Variants in RELN observed in about 807,000 individuals in gnomAD.
The protein encoded by RELN is reelin.
A neutral mutation model predicts 427.6 loss-of-function variants in RELN; 108 were observed. The observed-to-expected ratio is 0.25, with a 90% CI of 0.22 to 0.30. RELN has a LOEUF of 0.30. RELN is among the 10% of genes least tolerant of loss of function. The pLI is 1.00. For missense variants in RELN, 3,715 were observed against 4,302.8 expected, an observed-to-expected ratio of 0.86 and a Z score of 3.82; for synonymous variants, 1,524 against 1,513.4, an observed-to-expected ratio of 1.01 and a Z score of -0.16.
intron 20 of RELN, chr7:103,627,873 G>T (rs10225577): frequency 6.6e-5 from 10 of 152,180 alleles, no homozygotes; most frequent in Admixed American, 6.5e-4. Context: ...AAGGGATATT[G>T]TTCTTAGGGT....
chr7:103,684,690 C>T (rs1305294404), intron 10 of RELN, among the ~76,000 whole-genome samples: 1 of 152,130 alleles, frequency 6.6e-6, no homozygotes, highest in Non-Finnish European at 1.5e-5. Context: ...CTCGGTTTCT[C>T]AGGTTGTAGA....
intron 1 of RELN, among the ~76,000 whole-genome samples, chr7:103,986,871 C>T (rs1797109105): frequency 6.6e-6 from 1 of 151,476 alleles, no homozygotes; most frequent in Non-Finnish European, 1.5e-5. Context: ...TCAAAATGGG[C>T]CAACCACAAA....
chr7:103,615,931 G>C (rs1238490217), intron 20 of RELN, among the ~76,000 whole-genome samples: 2 of 152,086 alleles, frequency 1.3e-5, no homozygotes, highest in Admixed American at 1.3e-4. Flanking sequence ...CCAGAAAAAA[G>C]GCTCTTTTAT....
chr7:103,942,222 G>C (rs1051389810), intron 1 of RELN, among the ~76,000 whole-genome samples: 2 of 152,118 alleles, frequency 1.3e-5, no homozygotes, highest in Admixed American at 6.6e-5. Flanking sequence ...CAGTCACCAT[G>C]CTGTATAGTA....
chr7:103,902,097 G>C (rs1315346722), intron 2 of RELN, among the ~76,000 whole-genome samples: 1 of 151,954 alleles, frequency 6.6e-6, no homozygotes, highest in Non-Finnish European at 1.5e-5. Context: ...GCTGACATCA[G>C]CTCCTTGCTG....
intron 4 of RELN, among the ~76,000 whole-genome samples, chr7:103,768,457 T>G (rs1791481387): frequency 6.6e-6 from 1 of 152,136 alleles, no homozygotes; most frequent in East Asian, 1.9e-4. Flanking sequence ...TTTCAAAAAT[T>G]TGTAATATGC....
At chr7:103,960,729 G>GT (rs1403119067) in intron 1 of RELN, among the ~76,000 whole-genome samples, 1 of 152,166 alleles carries the variant, frequency 6.6e-6, no homozygotes, top group South Asian at 2.1e-4. Context: ...GCCTGCCTGT[G>GT]TATGTACATG....
At chr7:103,873,356 A>G (rs1357834256) in intron 2 of RELN, among the ~76,000 whole-genome samples, 1 of 136,192 alleles carries the variant, frequency 7.3e-6, no homozygotes, top group Non-Finnish European at 1.6e-5. Context: ...AACTAAAATC[A>G]GAGCAGAACT....
At chr7:103,724,076 C>T (rs1401074285) in intron 7 of RELN, among the ~76,000 whole-genome samples, 3 of 152,096 alleles carry the variant, frequency 2.0e-5, no homozygotes, top group Admixed American at 6.6e-5. Flanking sequence ...ATTCTGTACA[C>T]TACAATATAG....
chr7:103,705,400 A>T (rs1834178423), intron 8 of RELN, among the ~76,000 whole-genome samples: 1 of 152,218 alleles, frequency 6.6e-6, no homozygotes, highest in African/African-American at 2.4e-5. Flanking sequence ...AATATAATAA[A>T]ATCGTAACCT....
intron 31 of RELN, among the ~76,000 whole-genome samples, chr7:103,567,296 G>A (rs998361948): frequency 1.3e-5 from 2 of 152,210 alleles, no homozygotes; most frequent in Non-Finnish European, 2.9e-5. Flanking sequence ...AAGTGGCAAA[G>A]CAGAAAGGCT....
intron 2 of RELN, among the ~76,000 whole-genome samples, chr7:103,876,553 A>G (rs1040016031): frequency 3.3e-5 from 5 of 152,178 alleles, no homozygotes; most frequent in Non-Finnish European, 7.4e-5. Flanking sequence ...TTCTATTGAC[A>G]TTAGTAATAC....
chr7:103,483,257 C>G (rs960939487), intron 62 of RELN, among the ~76,000 whole-genome samples: 14 of 152,180 alleles, frequency 9.2e-5, no homozygotes, highest in African/African-American at 3.4e-4. Context: ...GTGACAGACA[C>G]TGTGCTAGAA....
At chr7:103,658,185 A>G (rs1833063516) in intron 12 of RELN, among the ~76,000 whole-genome samples, 1 of 152,150 alleles carries the variant, frequency 6.6e-6, no homozygotes, top group African/African-American at 2.4e-5. Context: ...ACGTCAATAT[A>G]TGAATAAAGA....
chr7:103,724,693 T>C (rs1790161272), intron 7 of RELN, among the ~76,000 whole-genome samples: 1 of 152,140 alleles, frequency 6.6e-6, no homozygotes, highest in Non-Finnish European at 1.5e-5. Context: ...TTACTGATTC[T>C]AATTTTTTTC....
intron 3 of RELN, among the ~76,000 whole-genome samples, chr7:103,790,384 T>C (rs1243569547): frequency 6.6e-6 from 1 of 152,186 alleles, no homozygotes; most frequent in Non-Finnish European, 1.5e-5. Context: ...TTTATTCTAC[T>C]GTTGTTGGAA....
chr7:103,542,137 G>C (rs887196225), intron 43 of RELN, among the ~76,000 whole-genome samples: 1 of 152,156 alleles, frequency 6.6e-6, no homozygotes, highest in Non-Finnish European at 1.5e-5. Context: ...ATAATCCTCT[G>C]AGCCAGTTTA....
At chr7:103,584,375 T>C (rs185673705) in intron 28 of RELN, among the ~76,000 whole-genome samples, 1 of 152,226 alleles carries the variant, frequency 6.6e-6, no homozygotes, top group East Asian at 1.9e-4. Flanking sequence ...GAAAAAGATA[T>C]ACCACACAAA....
chr7:103,630,851 G>GTTTTTTTTTTTTTTTTTTT (rs869145881), intron 19 of RELN, among the ~76,000 whole-genome samples: 1 of 20,548 alleles, frequency 4.9e-5, no homozygotes, highest in South Asian at 1.9e-3. Flanking sequence ...TTATTTTTTT[G>GTTTTTTTTTTTTTTTTTTT]TTTTTTTTGT....
Sources: allele counts gnomAD v4.1 joint callset (sites outside exome capture counted in the v4.1 genomes callset), GRCh38; gene constraint gnomAD v4.1.1; transcripts MANE v1.5; gene names NCBI Gene and HGNC (gene_info 2026-07-23, HGNC 2026-07-21).